The following LDB3 variants were observed in gnomAD, a reference collection of about 807,000 sequenced individuals.
LDB3 encodes the protein LIM domain binding 3.
In LDB3, 49 loss-of-function variants were observed where a neutral mutation model predicts 69.0. That is an observed-to-expected ratio of 0.71 (90% confidence interval 0.56 to 0.90). The LOEUF is 0.90. LDB3 is among the 40% of genes least tolerant of loss of function. The pLI is 0.00. For synonymous variants in LDB3, 387 were observed against 396.2 expected (o/e 0.98, Z 0.28); for missense variants, 928 against 974.1 (o/e 0.95, Z 0.63).
Position 86,699,370 on chromosome 10 carries a change from G to A in LDB3, c.896+6799G>A. ...TCAGCCCAAATCCTTAATGTTAAAA[G>A]CTAAAAGGCTGCCTGGAATCCCCCC... On this transcript the variant is annotated intron_variant, in intron 7 of 13. Coordinates refer to ENST00000361373, the MANE Select transcript of LDB3 (RefSeq NM_007078.3). The surrounding 1 kb of genome is among the most constrained non-coding windows in gnomAD (Gnocchi z 4.9). 1 of 1,613,652 alleles carries A rather than the reference G, an allele frequency of 6.2e-7. No homozygotes were observed. Among genetic ancestry groups the A allele is most frequent in the Non-Finnish European group, 8.5e-7 (1 of 1,179,930 alleles).
rs1324108200 is a variant in LDB3, at chr10:86,720,243, A to G, written c.1978+1396A>G. Among the ~76,000 whole-genome samples the G allele has an allele frequency of 3.3e-5, 5 of 152,186 alleles. No homozygotes were observed. The South Asian group carries it at 1.0e-3, about 32-fold the overall frequency. The stretch of plus-strand genomic sequence containing the variant: ...GCGAATCACCTGAGGTCAGGAGTTC[A>G]AGACCAGCCTGGCCAAAATGGTGAA... On this transcript the variant is annotated intron_variant, in intron 12 of 13. Transcript: ENST00000361373.
intron 7 of LDB3, 32 bp downstream of exon 7, chr10:86,692,603 GC>G (rs1456823470): frequency 6.2e-7 from 1 of 1,606,456 alleles, no homozygotes; most frequent in Non-Finnish European, 8.5e-7. Context: ...CTGTGGCCTT[GC>G]CCTCTAGCCC....
At chr10:86,710,389 A>G (rs752007752) in intron 9 of LDB3, 21 of 389,220 alleles carry the variant, frequency 5.4e-5, no homozygotes, top group Non-Finnish European at 7.4e-5. Flanking sequence ...CGGGAGTTTG[A>G]GACCGCCGGG....
intron 5 of LDB3, among the ~76,000 whole-genome samples, chr10:86,684,311 C>T (rs76076271): frequency 0.022 from 3,309 of 152,336 alleles, 115 homozygotes; most frequent in African/African-American, 0.075. Flanking sequence ...GCCACCATCC[C>T]GGCCCCAGGT....
Position 86,699,239 on chromosome 10 carries a change from TTCTCTCTC to T in LDB3, c.896+6690_896+6697del, listed in dbSNP as rs71019410. 31,497 of 1,527,406 alleles carry T rather than the reference TTCTCTCTC, an allele frequency of 0.021. No individual in the cohort carries two copies. Among genetic ancestry groups the T allele is most frequent in the East Asian group, 0.12 (4,474 of 37,426 alleles). 94.6% of individuals were successfully genotyped at this position (1,527,406 alleles called of 1,614,324 possible). A position where few individuals can be genotyped will look rare whatever the true frequency, so the allele number is the denominator to read the frequency against. Reference sequence around the variant, plus strand: ...TCTCTCTTTCTGTCTCTGTCTCTGTTTCTCTCTCTCTCTCTCTCTCTCTCTCTCTGTGC... The same window carrying T: ...TCTCTCTTTCTGTCTCTGTCTCTGTTTCTCTCTCTCTCTCTCTCTCTGTGC... On this transcript the variant is annotated intron_variant, in intron 7 of 13. Coordinates refer to ENST00000361373, the MANE Select transcript of LDB3 (RefSeq NM_007078.3). The surrounding 1 kb of genome is among the most constrained non-coding windows in gnomAD (Gnocchi z 4.9).
intron 5 of LDB3, chr10:86,687,111 C>T (rs1265324760): frequency 6.2e-7 from 1 of 1,614,204 alleles, no homozygotes. Flanking sequence ...CCCTGAAGGA[C>T]TCGGCCCTGT....
intron 2 of LDB3, among the ~76,000 whole-genome samples, chr10:86,676,006 C>T (rs1844771996): frequency 6.6e-6 from 1 of 152,182 alleles, no homozygotes; most frequent in African/African-American, 2.4e-5. Flanking sequence ...TTGTTCACCT[C>T]TACACTCAAG....
chr10:86,708,266 G>A (rs1375603786), intron 8 of LDB3, among the ~76,000 whole-genome samples: 1 of 152,236 alleles, frequency 6.6e-6, no homozygotes, highest in Non-Finnish European at 1.5e-5. Flanking sequence ...CGGGGAGTGG[G>A]GCTGGAGCAG....
At position 86,692,052 on chromosome 10, in the gene LDB3, G is replaced by T. The variant is rs1026972237; in HGVS notation, c.846G>T (p.Thr282=). Residue 282 remains threonine (T), a synonymous_variant, in exon 6 of 14, where the codon ACG becomes ACT. Transcript: ENST00000361373. ...CCTTCCGCATCCTGGCCCAGATGAC[G>T]GGGACAGAATTCAGTGAGTGCAGGC... ...SRSFRILAQM[T]GTEFMQDPDE... is the part of the protein sequence containing the mutation. 1 of 1,614,038 alleles carries T rather than the reference G, an allele frequency of 6.2e-7. No homozygotes were observed. Among genetic ancestry groups the T allele is most frequent in the African/African-American group, 1.3e-5 (1 of 75,050 alleles).
chr10:86,676,174 G>C (rs1844781005), intron 2 of LDB3, among the ~76,000 whole-genome samples: 3 of 152,240 alleles, frequency 2.0e-5, no homozygotes, highest in Admixed American at 2.0e-4. Context: ...CTTCCTGGCA[G>C]TCCAGACGTC....
At chr10:86,682,459 G>A (rs58051699) in intron 5 of LDB3, among the ~76,000 whole-genome samples, 15,788 of 152,086 alleles carry the variant, frequency 0.1, 932 homozygotes, top group Admixed American at 0.17. Flanking sequence ...TCTAGCTGGC[G>A]GGACTCTGGG....
At chr10:86,720,584 A>G (rs931940174) in intron 12 of LDB3, among the ~76,000 whole-genome samples, 3 of 152,218 alleles carry the variant, frequency 2.0e-5, no homozygotes, top group African/African-American at 7.2e-5. Flanking sequence ...AAGGGAGAAG[A>G]TAATACCAGA....
chr10:86,694,712 ATCTG>A (rs1554855187), intron 7 of LDB3, among the ~76,000 whole-genome samples: 3 of 152,200 alleles, frequency 2.0e-5, no homozygotes, highest in Non-Finnish European at 4.4e-5. Flanking sequence ...AGCAGTTCTA[ATCTG>A]TCTGTGATTG....
chr10:86,723,334 G>T (rs1847151648), intron 12 of LDB3, among the ~76,000 whole-genome samples: 1 of 151,034 alleles, frequency 6.6e-6, no homozygotes. Flanking sequence ...TGGATAAATG[G>T]AGGAGGGAAG....
At chr10:86,719,062 G>A (rs1376764057) in intron 12 of LDB3, among the ~76,000 whole-genome samples, 1 of 152,144 alleles carries the variant, frequency 6.6e-6, no homozygotes, top group African/African-American at 2.4e-5. Flanking sequence ...TGCAGCTTTG[G>A]GGAGAGTGAG....
At chr10:86,694,927 A>G (rs1038226664) in intron 7 of LDB3, among the ~76,000 whole-genome samples, 1 of 152,146 alleles carries the variant, frequency 6.6e-6, no homozygotes, top group African/African-American at 2.4e-5. Context: ...CTCCTGGCCC[A>G]TCTTGTTGGC....
At chr10:86,702,176 G>A (rs1164170262) in intron 7 of LDB3, among the ~76,000 whole-genome samples, 1 of 152,082 alleles carries the variant, frequency 6.6e-6, no homozygotes, top group African/African-American at 2.4e-5. Flanking sequence ...AGATTTTCAT[G>A]CTCTACCATC....
At chr10:86,667,887 A>G (rs2132317848), upstream of LDB3, among the ~76,000 whole-genome samples, 1 of 152,342 alleles carries the variant, frequency 6.6e-6, no homozygotes, top group East Asian at 1.9e-4. Context: ...TGTAGGAATC[A>G]GCCCAGGCTC....
At position 86,716,532 on chromosome 10, in the gene LDB3, G is replaced by T; in HGVS notation, c.1437G>T (p.Gly479=). The T allele has an allele frequency of 1.2e-6, 2 of 1,613,028 alleles. No homozygotes were observed. Among genetic ancestry groups the T allele is most frequent in the Non-Finnish European group, 1.7e-6 (2 of 1,179,750 alleles). Residue 479 remains glycine, a synonymous_variant, in exon 10 of 14, where the codon GGG becomes GGT. Coordinates refer to ENST00000361373, the MANE Select transcript of LDB3 (RefSeq NM_007078.3). ...YNPAPSVAYS[G]GPAEPASRPP... is the part of the protein sequence containing the mutation. Reference sequence around the variant, plus strand: ...CTGCACCCTCGGTGGCCTACAGCGGGGGCCCTGCGGAGCCTGCCAGCCGTC... The same window carrying T: ...CTGCACCCTCGGTGGCCTACAGCGGTGGCCCTGCGGAGCCTGCCAGCCGTC...
Sources: gnomAD v4.1 joint callset for allele counts (sites outside exome capture counted in the v4.1 genomes callset) on GRCh38, gnomAD v4.1.1 for gene constraint, Gnocchi (gnomAD v3.1) non-coding constraint, MANE v1.5 for transcripts, NCBI Gene and HGNC (gene_info 2026-07-23, HGNC 2026-07-21) for gene names.